Variants in MSRB3 observed in about 807,000 individuals in gnomAD.
MSRB3 encodes the protein methionine-R-sulfoxide reductase B3.
MSRB3 carries 13 observed loss-of-function variants against 21.0 expected under a neutral mutation model. The observed-to-expected ratio is 0.62, with a 90% CI of 0.40 to 0.98. The LOEUF is 0.98. MSRB3 is among the 50% of genes least tolerant of loss of function. The pLI, the probability that MSRB3 is intolerant of heterozygous loss-of-function variation, is 0.00. For synonymous variants in MSRB3, 87 were observed against 88.6 expected (o/e 0.98, Z 0.10); for missense variants, 199 against 230.3 (o/e 0.86, Z 0.88).
At chr12:65,384,040 A>G (rs1353396642) in intron 5 of MSRB3, among the ~76,000 whole-genome samples, 1 of 152,204 alleles carries the variant, frequency 6.6e-6, no homozygotes, top group African/African-American at 2.4e-5. Flanking sequence ...ATTTTGAGGG[A>G]AATGTTTAAA....
Position 65,308,519 on chromosome 12 carries a change from T to A in MSRB3, c.-51-10T>A. The A allele has an allele frequency of 6.2e-7, 1 of 1,613,514 alleles. No homozygotes were observed. Among genetic ancestry groups the A allele is most frequent in the Non-Finnish European group, 8.5e-7 (1 of 1,179,684 alleles). ...ATTTGATTTTTGTTTTTGTTTTTTC[T>A]CCTACTCAGCTCTTGCCCCTGTTCT... On this transcript the variant is annotated splice_polypyrimidine_tract_variant and intron_variant, in intron 1 of 6. Transcript: ENST00000308259.
At chr12:65,293,135 A>G (rs1168044079) in intron 1 of MSRB3, among the ~76,000 whole-genome samples, 3 of 152,154 alleles carry the variant, frequency 2.0e-5, no homozygotes, top group African/African-American at 4.8e-5. Flanking sequence ...AATAAATGGT[A>G]CTGCTATTTG....
At chr12:65,439,267 T>C (rs900863615) in intron 5 of MSRB3, among the ~76,000 whole-genome samples, 1 of 151,570 alleles carries the variant, frequency 6.6e-6, no homozygotes, top group African/African-American at 2.4e-5. Flanking sequence ...TAAATTAACA[T>C]AAATAATAAA....
chr12:65,431,581 C>G (rs2136664106), intron 5 of MSRB3, among the ~76,000 whole-genome samples: 1 of 152,110 alleles, frequency 6.6e-6, no homozygotes, highest in African/African-American at 2.4e-5. Flanking sequence ...TATCCTTTTA[C>G]TTTTTTCTTC....
intron 5 of MSRB3, among the ~76,000 whole-genome samples, chr12:65,396,322 G>A (rs971432836): frequency 1.4e-4 from 21 of 152,074 alleles, no homozygotes; most frequent in African/African-American, 2.2e-4. Context: ...CTATCTTTCC[G>A]TTATTGATTT....
At chr12:65,305,475 G>GT (rs2136418363) in intron 1 of MSRB3, among the ~76,000 whole-genome samples, 1 of 152,318 alleles carries the variant, frequency 6.6e-6, no homozygotes, top group Admixed American at 6.5e-5. Flanking sequence ...TTCATTGCCA[G>GT]TTGTGTAGTG....
intron 5 of MSRB3, among the ~76,000 whole-genome samples, chr12:65,442,027 G>A (rs1882405398): frequency 6.6e-6 from 1 of 151,956 alleles, no homozygotes; most frequent in African/African-American, 2.4e-5. Flanking sequence ...TTTCAAGAAT[G>A]GTTTTCAGAA....
intron 4 of MSRB3, among the ~76,000 whole-genome samples, chr12:65,367,063 G>A (rs192794809): frequency 1.7e-4 from 26 of 152,268 alleles, no homozygotes; most frequent in Admixed American, 3.3e-4. Flanking sequence ...ACAGTGACAC[G>A]GCTTGTGCAT....
intron 5 of MSRB3, chr12:65,419,372 G>T: frequency 1.3e-6 from 1 of 754,878 alleles, no homozygotes; most frequent in Non-Finnish European, 2.4e-6. Flanking sequence ...TCCTCTTCAT[G>T]GTTCTTCTTC....
At chr12:65,344,713 C>CTACATTCA (rs1876373264) in intron 4 of MSRB3, among the ~76,000 whole-genome samples, 1 of 151,700 alleles carries the variant, frequency 6.6e-6, no homozygotes, top group Admixed American at 6.6e-5. Context: ...GGGCAAAAAG[C>CTACATTCA]TACATTCAGG....
chr12:65,401,457 G>T (rs1337575479), intron 5 of MSRB3, among the ~76,000 whole-genome samples: 1 of 151,970 alleles, frequency 6.6e-6, no homozygotes, highest in Non-Finnish European at 1.5e-5. Context: ...CTTTCCATTT[G>T]CTTGGTAAAT....
chr12:65,332,830 T>C (rs11175727), intron 4 of MSRB3, among the ~76,000 whole-genome samples: 12,651 of 152,198 alleles, frequency 0.083, 1,792 homozygotes, highest in African/African-American at 0.29. Context: ...TAAATACATT[T>C]CCTCTCTGAA....
chr12:65,459,085 G>C (rs1883210425), intron 6 of MSRB3, among the ~76,000 whole-genome samples: 1 of 150,954 alleles, frequency 6.6e-6, no homozygotes, highest in African/African-American at 2.4e-5. Flanking sequence ...GCAAATGGGA[G>C]ACTAATAAAT....
At chr12:65,359,777 G>A (rs915373029) in intron 4 of MSRB3, among the ~76,000 whole-genome samples, 2 of 152,116 alleles carry the variant, frequency 1.3e-5, no homozygotes, top group African/African-American at 4.8e-5. Flanking sequence ...TGTAAAATGA[G>A]TTAAAGTGTG....
At chr12:65,411,091 G>A (rs1880691177) in intron 5 of MSRB3, among the ~76,000 whole-genome samples, 1 of 151,936 alleles carries the variant, frequency 6.6e-6, no homozygotes, top group Admixed American at 6.6e-5. Context: ...TTTCAAATAT[G>A]TAAATAAAGC....
Position 65,466,180 on chromosome 12 carries a change from A to G in MSRB3, c.*2858A>G, listed in dbSNP as rs1413959777. On this transcript the variant is annotated 3_prime_UTR_variant, in exon 7 of 7. Transcript: ENST00000308259. ...GGAAAGCCAGTTTTTCTTCTACCAC[A>G]TTTTCCAGGATCGACTTTAAGAAAA... is the stretch of plus-strand genomic sequence containing the variant. 2 of 151,992 alleles carry G rather than the reference A, an allele frequency of 1.3e-5. No homozygotes were observed. Among genetic ancestry groups the G allele is most frequent in the East Asian group, 3.9e-4 (2 of 5,194 alleles). The allele number at this position is 151,992 out of a possible 1,614,324, so 9.4% of individuals were successfully genotyped here.
chr12:65,395,236 G>A (rs1879713765), intron 5 of MSRB3, among the ~76,000 whole-genome samples: 1 of 152,142 alleles, frequency 6.6e-6, no homozygotes, highest in Non-Finnish European at 1.5e-5. Context: ...GGAGGCTAAG[G>A]TGGACGGATT....
intron 5 of MSRB3, among the ~76,000 whole-genome samples, chr12:65,408,669 C>T (rs1194464508): frequency 6.6e-6 from 1 of 152,242 alleles, no homozygotes; most frequent in African/African-American, 2.4e-5. Context: ...AGTGAGCCTG[C>T]GCCCTTGGGC....
chr12:65,340,532 A>G lies in MSRB3; in HGVS notation c.263+11929A>G, dbSNP rs577176753. Among the ~76,000 whole-genome samples the G allele has an allele frequency of 9.2e-5, 14 of 152,276 alleles. No individual in the cohort carries two copies. In the East Asian group the frequency reaches 2.3e-3, roughly 25 times the overall value. On this transcript the variant is annotated intron_variant, in intron 4 of 6. Transcript: ENST00000308259. ...AATCTGAAACAGGATGAATAACCATATCTTATTATATCACACTGCTAAAAA... is the reference window on the plus strand; with the variant it reads ...AATCTGAAACAGGATGAATAACCATGTCTTATTATATCACACTGCTAAAAA...
Sources: allele counts gnomAD v4.1 joint callset (sites outside exome capture counted in the v4.1 genomes callset), GRCh38; gene constraint gnomAD v4.1.1; transcripts MANE v1.5; gene names NCBI Gene and HGNC (gene_info 2026-07-23, HGNC 2026-07-21).